Variants in SEMA6D observed in about 807,000 individuals in gnomAD.
SEMA6D encodes semaphorin 6D, also known as semaphorin-6D.
A neutral mutation model predicts 106.6 loss-of-function variants in SEMA6D; 35 were observed. That is an observed-to-expected ratio of 0.33 (90% CI 0.25 to 0.44). The LOEUF is 0.44. Among genes scored for constraint, SEMA6D ranks in the 20% least tolerant of loss-of-function variants. The pLI is 1.00. For missense variants in SEMA6D, 1,185 were observed against 1,345.9 expected (o/e 0.88, Z 1.87); for synonymous variants, 499 against 487.7 (o/e 1.02, Z -0.31).
At chr15:47,216,936 G>A (rs2030674624) in intron 1 of SEMA6D, among the ~76,000 whole-genome samples, 1 of 152,120 alleles carries the variant, frequency 6.6e-6, no homozygotes, top group South Asian at 2.1e-4. Context: ...TTCATTTCTT[G>A]AAATCCTGAC....
At chr15:47,730,678 A>G (rs2080063409) in intron 1 of SEMA6D, 1 of 1,608,746 alleles carries the variant, frequency 6.2e-7, no homozygotes, top group South Asian at 1.1e-5. Context: ...TTGGCGGTCC[A>G]GGGCCTGGGT....
chr15:47,390,448 A>G (rs1412670279), intron 1 of SEMA6D, among the ~76,000 whole-genome samples: 2 of 152,198 alleles, frequency 1.3e-5, no homozygotes, highest in Non-Finnish European at 2.9e-5. Context: ...TGAAGTGGCC[A>G]AGTATATTCA....
intron 1 of SEMA6D, chr15:47,730,516 G>A (rs530610810): frequency 1.2e-4 from 152 of 1,280,848 alleles, no homozygotes; most frequent in Non-Finnish European, 1.6e-4. Flanking sequence ...AGGTGGTGAC[G>A]GTGTCAACTC....
At chr15:47,688,829 T>G (rs527796053) in intron 4 of SEMA6D, among the ~76,000 whole-genome samples, 2 of 152,320 alleles carry the variant, frequency 1.3e-5, no homozygotes, top group East Asian at 1.9e-4. Context: ...TCTACACACA[T>G]TACCAATATA....
intron 3 of SEMA6D, among the ~76,000 whole-genome samples, chr15:47,592,572 TA>T (rs2076459292): frequency 2.6e-5 from 4 of 152,204 alleles, no homozygotes; most frequent in Admixed American, 1.3e-4. Context: ...ATTAGTCATT[TA>T]ACTGTATGGT....
intron 1 of SEMA6D, among the ~76,000 whole-genome samples, chr15:47,356,019 AG>A (rs1446069453): frequency 6.6e-6 from 1 of 152,212 alleles, no homozygotes; most frequent in African/African-American, 2.4e-5. Context: ...TCTAACCCAG[AG>A]GGAAATTCAG....
intron 4 of SEMA6D, among the ~76,000 whole-genome samples, chr15:47,680,327 T>A (rs2078328115): frequency 6.6e-6 from 1 of 152,186 alleles, no homozygotes; most frequent in Non-Finnish European, 1.5e-5. Context: ...AGATATACTT[T>A]ATGCTTAACT....
At chr15:47,423,799 A>G (rs281222) in intron 2 of SEMA6D, among the ~76,000 whole-genome samples, 80,604 of 151,534 alleles carry the variant, frequency 0.53, 21,735 homozygotes, top group South Asian at 0.63. Context: ...AGGGACAGGT[A>G]TGTGTCTGTG....
chr15:47,369,739 C>T (rs1595848172), intron 1 of SEMA6D, among the ~76,000 whole-genome samples: 1 of 152,102 alleles, frequency 6.6e-6, no homozygotes, highest in East Asian at 1.9e-4. Context: ...AGTTCCTAGC[C>T]ATAGAGAAAA....
intron 2 of SEMA6D, among the ~76,000 whole-genome samples, chr15:47,460,983 C>T (rs986239777): frequency 6.6e-6 from 1 of 152,102 alleles, no homozygotes; most frequent in African/African-American, 2.4e-5. Flanking sequence ...TGACTCCTGC[C>T]TACTTCCTCT....
intron 1 of SEMA6D, among the ~76,000 whole-genome samples, chr15:47,212,547 G>A (rs182468790): frequency 3.9e-5 from 6 of 152,256 alleles, no homozygotes; most frequent in Non-Finnish European, 7.4e-5. Context: ...TTTAGTTATG[G>A]CAATTCAAGC....
intron 4 of SEMA6D, among the ~76,000 whole-genome samples, chr15:47,650,649 A>G (rs1239780379): frequency 6.6e-6 from 1 of 152,206 alleles, no homozygotes; most frequent in Non-Finnish European, 1.5e-5. Context: ...GAACATTGTG[A>G]CATAGGAGAA....
chr15:47,542,625 A>G (rs774575058), intron 3 of SEMA6D, among the ~76,000 whole-genome samples: 1 of 152,280 alleles, frequency 6.6e-6, no homozygotes, highest in South Asian at 2.1e-4. Flanking sequence ...TAATGTTTAC[A>G]GTACTATTTT....
At chr15:47,353,971 T>TA (rs1164718505) in intron 1 of SEMA6D, among the ~76,000 whole-genome samples, 2 of 152,088 alleles carry the variant, frequency 1.3e-5, no homozygotes, top group East Asian at 3.9e-4. Context: ...ATATGTTTCC[T>TA]AAAAAAACAG....
chr15:47,597,057 G>T (rs1039226842), intron 3 of SEMA6D, among the ~76,000 whole-genome samples: 5 of 151,882 alleles, frequency 3.3e-5, no homozygotes, highest in Admixed American at 1.3e-4. Flanking sequence ...TCCAAAATAT[G>T]TAATAACTCA....
At chr15:47,513,040 G>A (rs12438416) in intron 3 of SEMA6D, among the ~76,000 whole-genome samples, 38,599 of 151,952 alleles carry the variant, frequency 0.25, 5,490 homozygotes, top group East Asian at 0.47. Flanking sequence ...GAGGTGGCAC[G>A]TTCTCAAATT....
intron 4 of SEMA6D, among the ~76,000 whole-genome samples, chr15:47,605,996 T>C (rs56370253): frequency 0.087 from 13,310 of 152,204 alleles, 876 homozygotes; most frequent in African/African-American, 0.18. Context: ...AGCTCCAAGC[T>C]TCTAATGAAG....
intron 1 of SEMA6D, among the ~76,000 whole-genome samples, chr15:47,320,124 A>G (rs2036865922): frequency 6.6e-6 from 1 of 152,116 alleles, no homozygotes; most frequent in South Asian, 2.1e-4. Flanking sequence ...CAAGCTCCTT[A>G]CACCAGAAAC....
chr15:47,323,854 T>C (rs1041426411), intron 1 of SEMA6D, among the ~76,000 whole-genome samples: 4 of 152,130 alleles, frequency 2.6e-5, no homozygotes, highest in Admixed American at 6.5e-5. Flanking sequence ...AATTATCACC[T>C]CTCCATTTTA....
Sources: gnomAD v4.1 joint callset for allele counts (sites outside exome capture counted in the v4.1 genomes callset) on GRCh38, gnomAD v4.1.1 for gene constraint, MANE v1.5 for transcripts, NCBI Gene and HGNC (gene_info 2026-07-23, HGNC 2026-07-21) for gene names.